Variants in SH3RF3 observed in about 807,000 individuals in gnomAD.
SH3RF3 encodes SH3 domain containing ring finger 3.
A neutral mutation model predicts 66.3 loss-of-function variants in SH3RF3; 29 were observed. The observed-to-expected ratio is 0.44, with a 90% confidence interval of 0.33 to 0.60. The LOEUF is 0.60. SH3RF3 is among the 20% of genes least tolerant of loss of function. The pLI is 0.04. For synonymous variants in SH3RF3, 583 were observed against 532.0 expected (o/e 1.10, Z -1.32); for missense variants, 1,194 against 1,190.9 (o/e 1.00, Z -0.04).
intron 2 of SH3RF3, among the ~76,000 whole-genome samples, chr2:109,368,332 C>T (rs957283314): frequency 6.6e-6 from 1 of 152,168 alleles, no homozygotes; most frequent in African/African-American, 2.4e-5. Context: ...GAAATACATT[C>T]CCCAGTTCAA....
At chr2:109,184,569 T>C (rs536962102) in intron 1 of SH3RF3, among the ~76,000 whole-genome samples, 60 of 152,294 alleles carry the variant, frequency 3.9e-4, no homozygotes, top group South Asian at 8.3e-4. Context: ...GCCCCTCTGA[T>C]CCAGGTTGTT....
chr2:109,498,825 G>A (rs184114362), intron 9 of SH3RF3, among the ~76,000 whole-genome samples: 1 of 152,310 alleles, frequency 6.6e-6, no homozygotes, highest in East Asian at 1.9e-4. Context: ...GTGGAAGATG[G>A]TAAGAGCTGG....
At chr2:109,401,056 G>T (rs1008190894) in intron 4 of SH3RF3, among the ~76,000 whole-genome samples, 1 of 152,198 alleles carries the variant, frequency 6.6e-6, no homozygotes, top group Non-Finnish European at 1.5e-5. Flanking sequence ...GTGCACATCT[G>T]GGGGGTAAAG....
chr2:109,452,175 A>T (rs13388833), intron 8 of SH3RF3, among the ~76,000 whole-genome samples: 1 of 152,244 alleles, frequency 6.6e-6, no homozygotes, highest in African/African-American at 2.4e-5. Context: ...AATGATGGTC[A>T]TTTTAGTCCA....
chr2:109,191,428 G>T (rs1255105244), intron 1 of SH3RF3, among the ~76,000 whole-genome samples: 2 of 152,156 alleles, frequency 1.3e-5, no homozygotes, highest in Non-Finnish European at 2.9e-5. Context: ...AAGAAAGTGG[G>T]GTGAGTTATA....
At chr2:109,346,813 T>C (rs1022467924) in intron 1 of SH3RF3, among the ~76,000 whole-genome samples, 2 of 152,236 alleles carry the variant, frequency 1.3e-5, no homozygotes, top group African/African-American at 4.8e-5. Context: ...GGTTAACCTC[T>C]GACGGATACA....
At chr2:109,297,807 C>T (rs191774990) in intron 1 of SH3RF3, among the ~76,000 whole-genome samples, 67 of 151,568 alleles carry the variant, frequency 4.4e-4, no homozygotes, top group African/African-American at 1.5e-3. Context: ...GCTCTCCCCA[C>T]TAGGTCAGTG....
chr2:109,323,496 T>TGGTA (rs1217854408), intron 1 of SH3RF3, among the ~76,000 whole-genome samples: 1 of 152,234 alleles, frequency 6.6e-6, no homozygotes, highest in Non-Finnish European at 1.5e-5. Context: ...TGTTAGTGAT[T>TGGTA]GGTAGCATGC....
chr2:109,163,484 C>T (rs902973774), intron 1 of SH3RF3, among the ~76,000 whole-genome samples: 13 of 141,232 alleles, frequency 9.2e-5, no homozygotes, highest in Admixed American at 3.7e-4. Flanking sequence ...CTGCAAGCTC[C>T]GCCTCCCGGG....
intron 1 of SH3RF3, among the ~76,000 whole-genome samples, chr2:109,267,470 G>A (rs918241202): frequency 3.9e-5 from 6 of 152,352 alleles, no homozygotes; most frequent in Admixed American, 2.6e-4. Context: ...TTTTCATAAA[G>A]ACAGAGTCAG....
chr2:109,464,593 C>A (rs978462534), intron 8 of SH3RF3, among the ~76,000 whole-genome samples: 4 of 152,208 alleles, frequency 2.6e-5, no homozygotes, highest in African/African-American at 7.2e-5. Context: ...AATCGATTTC[C>A]TCTTCTAAAA....
At chr2:109,197,707 G>A (rs774753573) in intron 1 of SH3RF3, among the ~76,000 whole-genome samples, 3 of 152,230 alleles carry the variant, frequency 2.0e-5, no homozygotes, top group Non-Finnish European at 2.9e-5. Flanking sequence ...CAGTAGGGCC[G>A]GGTGTGTGCC....
At chr2:109,196,827 C>T (rs945452926) in intron 1 of SH3RF3, among the ~76,000 whole-genome samples, 1 of 152,190 alleles carries the variant, frequency 6.6e-6, no homozygotes, top group Non-Finnish European at 1.5e-5. Context: ...CTTTGGGGCA[C>T]AACTCACAGG....
chr2:109,284,039 G>A (rs1680959763), intron 1 of SH3RF3, among the ~76,000 whole-genome samples: 1 of 152,152 alleles, frequency 6.6e-6, no homozygotes, highest in South Asian at 2.1e-4. Context: ...GTGGCATTGG[G>A]CTGCCTTCTC....
Position 109,336,763 on chromosome 2 carries a change from G to A in SH3RF3, c.574-10911G>A, listed in dbSNP as rs532498577. Among the ~76,000 whole-genome samples the A allele has an allele frequency of 7.2e-5, 11 of 152,284 alleles. 1 individual carries two copies. In the South Asian group the frequency reaches 2.1e-3, roughly 29 times the overall value. ...ATTTCCATTACAAAGTTGGCAAAGC[G>A]TTTTGTAACTAAATATCTGGAGTTA... On this transcript the variant is annotated intron_variant, in intron 1 of 9. Transcript: ENST00000309415.
intron 1 of SH3RF3, among the ~76,000 whole-genome samples, chr2:109,286,514 A>G (rs569036232): frequency 8.6e-4 from 131 of 152,316 alleles, no homozygotes; most frequent in African/African-American, 3.1e-3. Context: ...ACCTGGGTGC[A>G]GAAGACCAAG....
chr2:109,290,189 T>C (rs989650371), intron 1 of SH3RF3, among the ~76,000 whole-genome samples: 1 of 152,192 alleles, frequency 6.6e-6, no homozygotes, highest in African/African-American at 2.4e-5. Flanking sequence ...TCCGGGTGGC[T>C]TAGGTCTGGG....
chr2:109,332,507 C>T (rs1000384945), intron 1 of SH3RF3, among the ~76,000 whole-genome samples: 2 of 152,176 alleles, frequency 1.3e-5, no homozygotes, highest in Non-Finnish European at 2.9e-5. Flanking sequence ...CCTAAGGAGT[C>T]CCAGGATGTG....
At chr2:109,469,899 G>A (rs541139692) in intron 8 of SH3RF3, among the ~76,000 whole-genome samples, 1 of 152,198 alleles carries the variant, frequency 6.6e-6, no homozygotes, top group Non-Finnish European at 1.5e-5. Flanking sequence ...ACATTCTTCT[G>A]TGGGGGTCTG....
Sources: allele counts gnomAD v4.1 joint callset (sites outside exome capture counted in the v4.1 genomes callset), GRCh38; gene constraint gnomAD v4.1.1; transcripts MANE v1.5; gene names NCBI Gene and HGNC (gene_info 2026-07-23, HGNC 2026-07-21).